The following LIMK2 variants were observed in gnomAD, a reference collection of about 807,000 sequenced individuals.
LIMK2 encodes LIM domain kinase 2.
A neutral mutation model predicts 75.7 loss-of-function variants in LIMK2; 35 were observed. That is an observed-to-expected ratio of 0.46 (90% CI 0.35 to 0.61). The LOEUF is 0.61. Among genes scored for constraint, LIMK2 ranks in the 20% least tolerant of loss-of-function variants. The pLI is 0.00. For synonymous variants in LIMK2, 301 were observed against 319.2 expected (o/e 0.94, Z 0.61); for missense variants, 623 against 831.0 (o/e 0.75, Z 3.08).
intron 2 of LIMK2, 23 bp from the exon 3 acceptor site, chr22:31,258,268 T>G: frequency 6.3e-7 from 1 of 1,577,100 alleles, no homozygotes; most frequent in Non-Finnish European, 8.6e-7. Flanking sequence ...CAGGAGAATT[T>G]CAGTTCTTGT....
intron 2 of LIMK2, chr22:31,229,923 T>A (rs1157606944): frequency 6.6e-6 from 1 of 152,252 alleles, no homozygotes; most frequent in African/African-American, 2.4e-5. Context: ...GTAATTGTGC[T>A]GGTGCGATTA....
In LIMK2 at chr22:31,225,757, C is replaced by T. The variant is rs370934889; in HGVS notation, c.54C>T (p.His18=). The T allele has an allele frequency of 6.8e-6, 11 of 1,614,012 alleles. No individual in the cohort carries two copies. Among genetic ancestry groups the T allele is most frequent in the Middle Eastern group, 1.6e-4 (1 of 6,084 alleles). Reference sequence around the variant, plus strand: ...GGAGGTGTCCAGGCTGTGGGGACCACATTGCTCCAAGCCAGATATGGTACA... The same window carrying T: ...GGAGGTGTCCAGGCTGTGGGGACCATATTGCTCCAAGCCAGATATGGTACA... ...DVWRCPGCGD[H]IAPSQIWYRT... is the part of the protein sequence containing the mutation. Residue 18 remains histidine (H), a synonymous_variant, in exon 2 of 16, where the codon CAC becomes CAT. Transcript: ENST00000331728.
chr22:31,229,176 C>A (rs916640917), intron 2 of LIMK2, among the ~76,000 whole-genome samples: 2 of 152,178 alleles, frequency 1.3e-5, no homozygotes, highest in Non-Finnish European at 2.9e-5. Context: ...GTTCTGTCTC[C>A]TAGTTGCAGC....
chr22:31,275,608 C>CGG, intron 15 of LIMK2: 1 of 338,998 alleles, frequency 2.9e-6, no homozygotes, highest in Non-Finnish European at 5.4e-6. Context: ...TTTCGATATT[C>CGG]CCCTGTCCAT....
In LIMK2 at chr22:31,275,196, C is replaced by A; in HGVS notation, c.1660C>A (p.Leu554Met). The A allele has an allele frequency of 6.2e-7, 1 of 1,614,204 alleles. No homozygotes were observed. The highest frequency in any genetic ancestry group is 2.2e-5 in the East Asian group (1 of 44,882). ...YADPDCLPRT[L>M]DFGLNVKLFW... is the part of the protein sequence containing the mutation. ...AGATCCTGACTGCCTTCCCCGAACA[C>A]TGGACTTTGGCCTCAACGTGAAGCT... is the stretch of plus-strand genomic sequence containing the variant. The change falls in exon 15 of 16, where the codon CTG becomes ATG. Residue 554 changes from leucine to methionine, a missense_variant. Physicochemically the swap from Leu to Met is conservative, Grantham distance 15. Around this residue, in one of 3 missense-constraint regions of LIMK2, gnomAD observed 63 missense variants for 122.8 expected, o/e 0.51. Coordinates refer to ENST00000331728, the MANE Select transcript of LIMK2 (RefSeq NM_005569.4).
chr22:31,251,713 A>T (rs908843201), intron 2 of LIMK2, among the ~76,000 whole-genome samples: 1 of 152,224 alleles, frequency 6.6e-6, no homozygotes, highest in African/African-American at 2.4e-5. Flanking sequence ...TAATTGGCAG[A>T]CTGTTTCAGT....
intron 2 of LIMK2, among the ~76,000 whole-genome samples, chr22:31,242,961 C>T (rs1270684517): frequency 6.6e-6 from 1 of 152,184 alleles, no homozygotes; most frequent in Non-Finnish European, 1.5e-5. Flanking sequence ...CTGGCTCTGT[C>T]ACCTAGGCTG....
rs1390464722 is a variant in LIMK2 at position 31,245,157 on chromosome 22, A to G, written c.117-13134A>G. 2.0e-5 allele frequency among the ~76,000 whole-genome samples: 3 copies of G among 152,220 alleles called. No individual in the cohort carries two copies. In the East Asian group the frequency reaches 5.8e-4, roughly 29 times the overall value. On this transcript the variant is annotated intron_variant, in intron 2 of 15. Coordinates refer to ENST00000331728, the MANE Select transcript of LIMK2 (RefSeq NM_005569.4). ...TGGTGTCTTCGTGGTATAGATAGATAGATATGGCTGAGCTCTGCACAAACA... is the reference window on the plus strand; with the variant it reads ...TGGTGTCTTCGTGGTATAGATAGATGGATATGGCTGAGCTCTGCACAAACA...
intron 2 of LIMK2, among the ~76,000 whole-genome samples, chr22:31,238,442 G>A (rs1261779621): frequency 6.6e-6 from 1 of 152,226 alleles, no homozygotes; most frequent in African/African-American, 2.4e-5. Context: ...GGGGATATGA[G>A]TGTTCTGATT....
intron 7 of LIMK2, among the ~76,000 whole-genome samples, chr22:31,263,116 G>A (rs530237943): frequency 2.0e-5 from 3 of 152,326 alleles, no homozygotes; most frequent in African/African-American, 4.8e-5. Flanking sequence ...CCTGGAGTAG[G>A]GGCACAGATA....
chr22:31,271,153 G>A lies in LIMK2; in HGVS notation c.1335G>A (p.Met445Ile). The A allele has an allele frequency of 6.2e-7, 1 of 1,614,066 alleles. No homozygotes were observed. Among genetic ancestry groups the A allele is most frequent in the Non-Finnish European group, 8.5e-7 (1 of 1,179,972 alleles). Residue 445 changes from methionine (M) to isoleucine (I), a missense_variant, in exon 12 of 16, where the codon ATG (methionine) becomes ATA (isoleucine). Physicochemically the swap from Met to Ile is conservative, Grantham distance 10 (BLOSUM62 1). Around this residue, in one of 3 missense-constraint regions of LIMK2, gnomAD observed 514 missense variants for 661.3 expected, o/e 0.78. Transcript: ENST00000331728. ...TGTTCCAGGCCTATTTGCACTCTAT[G>A]TGCATCATCCACCGGGATCTGAACT... ...IASGMAYLHS[M>I]CIIHRDLNSH...
chr22:31,259,100 C>T, intron 3 of LIMK2, 21 bp from the exon 4 acceptor site: 2 of 1,447,270 alleles, frequency 1.4e-6, no homozygotes, highest in Admixed American at 1.7e-5. Context: ...TTTGTACACC[C>T]TTCTCCCCAC....
intron 7 of LIMK2, among the ~76,000 whole-genome samples, chr22:31,263,213 C>A (rs943921094): frequency 6.6e-6 from 1 of 152,148 alleles, no homozygotes; most frequent in Non-Finnish European, 1.5e-5. Context: ...GGACCAACAA[C>A]CCCCAAACCC....
chr22:31,256,956 T>C (rs978011213), intron 2 of LIMK2, among the ~76,000 whole-genome samples: 7 of 151,422 alleles, frequency 4.6e-5, no homozygotes, highest in African/African-American at 1.7e-4. Flanking sequence ...AGAGGTTGTC[T>C]GTGCAGGTAA....
At chr22:31,278,114 A>G (rs1387787827) in intron 15 of LIMK2, among the ~76,000 whole-genome samples, 183 bp from the exon 16 acceptor site, 1 of 152,048 alleles carries the variant, frequency 6.6e-6, no homozygotes, top group Non-Finnish European at 1.5e-5. Context: ...GTGTTACCTA[A>G]TCTTTATAGC....
At chr22:31,268,112 A>C (rs748477181) in intron 10 of LIMK2, 32 bp from the exon 11 acceptor site, 1 of 1,611,068 alleles carries the variant, frequency 6.2e-7, no homozygotes, top group Non-Finnish European at 8.5e-7. Flanking sequence ...ACAGGGCTCA[A>C]CAGCCTCTGA....
chr22:31,215,143 G>A (rs1461788084), intron 1 of LIMK2, among the ~76,000 whole-genome samples: 1 of 152,110 alleles, frequency 6.6e-6, no homozygotes, highest in Non-Finnish European at 1.5e-5. Flanking sequence ...GAAATGACAA[G>A]GTTCCATAGC....
chr22:31,271,120 C>T lies in LIMK2; in HGVS notation c.1318-16C>T, dbSNP rs750405109. On this transcript the variant is annotated splice_polypyrimidine_tract_variant and intron_variant, in intron 11 of 15. Transcript: ENST00000331728. ...ATTTGCTGGCCCTGTAGCCTCAGCTCATGCTTCTGTTCCAGGCCTATTTGC... is the reference window on the plus strand; with the variant it reads ...ATTTGCTGGCCCTGTAGCCTCAGCTTATGCTTCTGTTCCAGGCCTATTTGC... The T allele has an allele frequency of 3.7e-6, 6 of 1,612,136 alleles. No individual in the cohort carries two copies. The South Asian group carries it at 6.6e-5, about 18-fold the overall frequency.
chr22:31,268,127 C>G lies in LIMK2; in HGVS notation c.1261-17C>G. ...ACAGGGCTCAACAGCCTCTGAAAAT[C>G]ATTCCCCATTCTGCAGGATCCGTTC... On this transcript the variant is annotated splice_polypyrimidine_tract_variant and intron_variant, in intron 10 of 15. Coordinates refer to ENST00000331728, the MANE Select transcript of LIMK2 (RefSeq NM_005569.4). 1 of 1,613,588 alleles carries G rather than the reference C, an allele frequency of 6.2e-7. No homozygotes were observed. Among genetic ancestry groups the G allele is most frequent in the Non-Finnish European group, 8.5e-7 (1 of 1,179,550 alleles).
Sources: allele counts gnomAD v4.1 joint callset (sites outside exome capture counted in the v4.1 genomes callset), GRCh38; gene constraint gnomAD v4.1.1; regional missense constraint gnomAD v4.1.1; transcripts MANE v1.5; gene names NCBI Gene and HGNC (gene_info 2026-07-23, HGNC 2026-07-21).